The following MACROD1 variants were observed in gnomAD, a reference collection of about 807,000 sequenced individuals.
MACROD1 encodes ADP-ribose glycohydrolase MACROD1.
A neutral mutation model predicts 41.4 loss-of-function variants in MACROD1; 31 were observed. The ratio of observed to expected loss-of-function variants is 0.75; its 90% CI spans 0.56 to 1.01. The LOEUF (loss-of-function observed/expected upper bound fraction) is 1.01. MACROD1 is among the 50% of genes least tolerant of loss of function. The pLI is 0.00. For missense variants in MACROD1, 473 were observed against 460.0 expected (o/e 1.03, Z -0.26); for synonymous variants, 252 against 203.4 (o/e 1.24, Z -2.03).
chr11:64,095,788 G>A (rs1328767952), intron 3 of MACROD1, among the ~76,000 whole-genome samples: 2 of 152,222 alleles, frequency 1.3e-5, no homozygotes, highest in Admixed American at 6.5e-5. Flanking sequence ...GAAGTGAGCA[G>A]GGGGCTCCTG....
intron 3 of MACROD1, among the ~76,000 whole-genome samples, chr11:64,078,526 C>T (rs576535158): frequency 2.0e-5 from 3 of 152,310 alleles, no homozygotes; most frequent in African/African-American, 7.2e-5. Flanking sequence ...GGAGGGATAC[C>T]CGGGAGGGGA....
rs1002591168 is a variant in MACROD1, at chr11:64,041,378, C to T, written c.518-26097G>A. On this transcript the variant is annotated intron_variant, in intron 3 of 10. Coordinates refer to ENST00000255681, the MANE Select transcript of MACROD1 (RefSeq NM_014067.4). ...CCCGTGACGCCTGGGAAATGCTGCT[C>T]GGGAAAATGTCCTCAAAAATGCTGC... Among the ~76,000 whole-genome samples, 12 of 151,930 alleles carry T rather than the reference C, an allele frequency of 7.9e-5. No individual in the cohort carries two copies. The Middle Eastern group carries it at 0.01, about 129-fold the overall frequency.
chr11:64,159,097 G>A (rs1434806042), intron 1 of MACROD1, among the ~76,000 whole-genome samples: 2 of 151,948 alleles, frequency 1.3e-5, no homozygotes, highest in Non-Finnish European at 2.9e-5. Context: ...TGAGGCAGGT[G>A]GATCACGAGG....
intron 3 of MACROD1, among the ~76,000 whole-genome samples, chr11:64,112,293 C>T (rs889219158): frequency 1.3e-5 from 2 of 152,112 alleles, no homozygotes; most frequent in African/African-American, 4.8e-5. Context: ...GGAGGTGGAT[C>T]ACGAGGTCAA....
At chr11:64,022,463 G>A (rs1210980453) in intron 3 of MACROD1, among the ~76,000 whole-genome samples, 1 of 152,184 alleles carries the variant, frequency 6.6e-6, no homozygotes, top group Non-Finnish European at 1.5e-5. Flanking sequence ...GGCAGGCCTG[G>A]CCCCACAGGG....
chr11:64,159,104 G>A (rs1945712912), intron 1 of MACROD1, among the ~76,000 whole-genome samples: 1 of 151,846 alleles, frequency 6.6e-6, no homozygotes, highest in South Asian at 2.1e-4. Flanking sequence ...GGTGGATCAC[G>A]AGGTCAGGAG....
At chr11:64,062,819 C>G (rs546495065) in intron 3 of MACROD1, among the ~76,000 whole-genome samples, 6 of 152,306 alleles carry the variant, frequency 3.9e-5, no homozygotes, top group Non-Finnish European at 7.4e-5. Context: ...CCACACAGCT[C>G]ACACAGCAGG....
intron 1 of MACROD1, among the ~76,000 whole-genome samples, chr11:64,157,187 G>A (rs559378852): frequency 7.9e-5 from 12 of 152,206 alleles, no homozygotes; most frequent in African/African-American, 2.9e-4. Flanking sequence ...CTGCCTCCTG[G>A]GTTCAAGCAA....
At chr11:64,123,354 A>G (rs982321661) in intron 3 of MACROD1, among the ~76,000 whole-genome samples, 4 of 152,152 alleles carry the variant, frequency 2.6e-5, no homozygotes, top group African/African-American at 9.7e-5. Flanking sequence ...TTTTTTCTTA[A>G]GGAGGGATAA....
intron 3 of MACROD1, among the ~76,000 whole-genome samples, chr11:64,095,370 G>A (rs1446398546): frequency 1.3e-5 from 2 of 152,152 alleles, no homozygotes; most frequent in Non-Finnish European, 2.9e-5. Flanking sequence ...AAGTCTGGCC[G>A]CCTGGGCCGA....
Position 63,998,821 on chromosome 11 carries a change from G to T in MACROD1, c.*30+17C>A. On this transcript the variant is annotated intron_variant, in intron 10 of 10. Coordinates refer to ENST00000255681, the MANE Select transcript of MACROD1 (RefSeq NM_014067.4). ...GTCTAGGGCCGGGGCCGCCGCACGG[G>T]GCGAGGCCCTGCTTACCAGTCCCGG... 1.3e-6 allele frequency: 2 copies of T among 1,543,876 alleles called. No homozygotes were observed. Among genetic ancestry groups the T allele is most frequent in the Non-Finnish European group, 1.7e-6 (2 of 1,149,724 alleles).
chr11:64,091,883 C>T (rs1944497368), intron 3 of MACROD1, among the ~76,000 whole-genome samples: 1 of 152,230 alleles, frequency 6.6e-6, no homozygotes, highest in South Asian at 2.1e-4. Context: ...CTGGGCCAAT[C>T]CCACCATCTG....
At chr11:64,086,420 C>T (rs552771361) in intron 3 of MACROD1, among the ~76,000 whole-genome samples, 1 of 152,186 alleles carries the variant, frequency 6.6e-6, no homozygotes, top group African/African-American at 2.4e-5. Flanking sequence ...CCTCCCCACC[C>T]CCAGCTTTCT....
chr11:64,124,877 T>C (rs999423272), intron 3 of MACROD1, among the ~76,000 whole-genome samples: 1 of 152,130 alleles, frequency 6.6e-6, no homozygotes, highest in African/African-American at 2.4e-5. Context: ...ACAGGGTTTC[T>C]CCATGTTGCT....
At chr11:64,110,204 C>G (rs1028692856) in intron 3 of MACROD1, among the ~76,000 whole-genome samples, 1 of 152,154 alleles carries the variant, frequency 6.6e-6, no homozygotes, top group Non-Finnish European at 1.5e-5. Flanking sequence ...AATCTCAGCA[C>G]TTTGGGATGC....
chr11:64,156,280 CTAAA>C (rs1363404492), intron 1 of MACROD1, among the ~76,000 whole-genome samples: 2 of 152,190 alleles, frequency 1.3e-5, no homozygotes, highest in African/African-American at 4.8e-5. Flanking sequence ...GACCTTGTCT[CTAAA>C]TAAATAATTT....
At chr11:64,117,216 C>G in intron 3 of MACROD1, 3 of 1,614,180 alleles carry the variant, frequency 1.9e-6, no homozygotes, top group Non-Finnish European at 2.5e-6. Context: ...GTTCGACGAC[C>G]TGGGGAACCT....
rs767185497 is a variant in MACROD1 at position 64,165,773 on chromosome 11, C to T, written c.222G>A (p.Gly74=). Reference sequence around the variant, plus strand: ...TGGCCAGGGGGGCCCAAGTGCGCACCCCGGCTGTCCGCCCCACCGCCGCCG... The same window carrying T: ...TGGCCAGGGGGGCCCAAGTGCGCACTCCGGCTGTCCGCCCCACCGCCGCCG... ...WGAAAVGRTA[G]VRTWAPLAMA... Residue 74 remains glycine (G), a synonymous_variant, in exon 1 of 11, where the codon GGG becomes GGA. Coordinates refer to ENST00000255681, the MANE Select transcript of MACROD1 (RefSeq NM_014067.4). 5.3e-6 allele frequency: 8 copies of T among 1,496,260 alleles called. No homozygotes were observed. The highest frequency in any genetic ancestry group is 2.9e-5 in the African/African-American group (2 of 68,448). 92.7% of individuals were successfully genotyped at this position (1,496,260 alleles called of 1,614,324 possible). A position where few individuals can be genotyped will look rare whatever the true frequency, so the allele number is the denominator to read the frequency against.
At chr11:64,032,811 C>T (rs1178832719) in intron 3 of MACROD1, among the ~76,000 whole-genome samples, 1 of 152,154 alleles carries the variant, frequency 6.6e-6, no homozygotes, top group Non-Finnish European at 1.5e-5. Context: ...CCACTGTCCC[C>T]TTCCTGGAAT....
Sources: gnomAD v4.1 joint callset for allele counts (sites outside exome capture counted in the v4.1 genomes callset) on GRCh38, gnomAD v4.1.1 for gene constraint, MANE v1.5 for transcripts, NCBI Gene and HGNC (gene_info 2026-07-23, HGNC 2026-07-21) for gene names.